TOP3A: variants seen among roughly 807,000 people sequenced by gnomAD.
The protein encoded by TOP3A is DNA topoisomerase III alpha.
In TOP3A, 64 loss-of-function variants were observed where a neutral mutation model predicts 111.3. That is an observed-to-expected ratio of 0.57 (90% CI 0.47 to 0.71). The LOEUF (loss-of-function observed/expected upper bound fraction) is 0.71, where lower values mean the gene tolerates loss of function less well. TOP3A is among the 30% of genes least tolerant of loss of function. The probability of loss-of-function intolerance (pLI) is 0.00; values close to 1 mark genes in which losing one functional copy is unlikely to be tolerated. For missense variants in TOP3A, 1,104 were observed against 1,285.0 expected (o/e 0.86, Z 2.15); for synonymous variants, 484 against 485.1 (o/e 1.00, Z 0.03).
chr17:18,280,791 C>A, intron 16 of TOP3A, 133 bp from the exon 17 acceptor site: 3 of 972,948 alleles, frequency 3.1e-6, no homozygotes, highest in South Asian at 3.3e-5. Flanking sequence ...TAACTGGATA[C>A]ACAAGCACTC....
intron 17 of TOP3A, 136 bp from the exon 18 acceptor site, chr17:18,278,493 G>A: frequency 1.4e-6 from 1 of 707,276 alleles, no homozygotes; most frequent in Non-Finnish European, 2.2e-6. Flanking sequence ...AGTCCCCTGT[G>A]AGGCCCTCTA....
At chr17:18,312,013 A>T (rs1981939871) in intron 1 of TOP3A, 1 of 152,272 alleles carries the variant, frequency 6.6e-6, no homozygotes, top group African/African-American at 2.4e-5. Context: ...AGCCCTAATA[A>T]TTTTGGCATT....
chr17:18,292,008 G>C (rs1421943112), intron 11 of TOP3A, among the ~76,000 whole-genome samples: 1 of 152,074 alleles, frequency 6.6e-6, no homozygotes, highest in East Asian at 1.9e-4. Flanking sequence ...CACCGCGTCC[G>C]GCCATATTTT....
chr17:18,288,904 A>C (rs1273387173), intron 13 of TOP3A, among the ~76,000 whole-genome samples: 2 of 152,188 alleles, frequency 1.3e-5, no homozygotes, highest in African/African-American at 4.8e-5. Flanking sequence ...TGCTTAGTCC[A>C]AGCTCTCACT....
At chr17:18,294,632 A>G in intron 10 of TOP3A, 71 bp downstream of exon 10, 1 of 1,257,170 alleles carries the variant, frequency 8.0e-7, no homozygotes, top group African/African-American at 1.5e-5. Context: ...CCAACCCATA[A>G]ACTCTATTTC....
Position 18,290,610 on chromosome 17 carries a change from G to A in TOP3A, c.1544C>T (p.Pro515Leu), listed in dbSNP as rs747211857. The change falls in exon 13 of 19, where the codon CCC (proline) becomes CTC (leucine). Residue 515 changes from proline (P) to leucine (L), a missense_variant. Physicochemically the swap from Pro to Leu is moderately conservative, Grantham distance 98. Coordinates refer to ENST00000321105, the MANE Select transcript of TOP3A (RefSeq NM_004618.5). ...GAGGTCGGCCTCGGTGAGCAGCTTG[G>A]GTGGGCTGGTCTCCCCGTCCACCAT... ...VEMVDGETSPPKLLTEADLIA... is the reference protein window; with the variant it reads ...VEMVDGETSPLKLLTEADLIA... 6 of 1,611,058 alleles carry A rather than the reference G, an allele frequency of 3.7e-6. No individual in the cohort carries two copies. Among genetic ancestry groups the A allele is most frequent in the Non-Finnish European group, 4.2e-6 (5 of 1,178,088 alleles).
chr17:18,303,494 G>A (rs895352967), intron 5 of TOP3A, among the ~76,000 whole-genome samples: 5 of 152,134 alleles, frequency 3.3e-5, no homozygotes, highest in Admixed American at 1.3e-4. Context: ...GTGTACAACC[G>A]ACCATATATT....
intron 7 of TOP3A, 23 bp downstream of exon 7, chr17:18,302,241 A>G (rs1490762325): frequency 6.3e-7 from 1 of 1,589,768 alleles, no homozygotes; most frequent in South Asian, 1.1e-5. Flanking sequence ...GTCCCAGGCC[A>G]TAACACCCAC....
rs1979253467 is a variant in TOP3A at position 18,275,037 on chromosome 17, T to C, written c.2828-57A>G. On this transcript the variant is annotated intron_variant, in intron 18 of 18. Transcript: ENST00000321105. ...AGAACTGACATGCAGAAGTGGCAAGTCCTGAACACGGTGGCTCATGCCTGT... is the reference window on the plus strand; with the variant it reads ...AGAACTGACATGCAGAAGTGGCAAGCCCTGAACACGGTGGCTCATGCCTGT... The C allele has an allele frequency of 1.9e-6, 3 of 1,571,638 alleles. No homozygotes were observed. In the African/African-American group the frequency reaches 4.1e-5, roughly 21 times the overall value.
At chr17:18,307,361 G>C (rs1206007119) in intron 3 of TOP3A, 2 of 158,818 alleles carry the variant, frequency 1.3e-5, no homozygotes, top group African/African-American at 4.8e-5. Context: ...CACGTTGGGA[G>C]GCCAAGGTGG....
chr17:18,278,410 C>T (rs1979546508), intron 17 of TOP3A, 53 bp from the exon 18 acceptor site: 1 of 1,472,540 alleles, frequency 6.8e-7, no homozygotes, highest in Non-Finnish European at 9.0e-7. Flanking sequence ...GCCAGCTTCT[C>T]CTTAGTCCAG....
At position 18,302,306 on chromosome 17, in the gene TOP3A, C is replaced by T; in HGVS notation, c.772G>A (p.Ala258Thr). 1.2e-6 allele frequency: 2 copies of T among 1,612,946 alleles called. No homozygotes were observed. Among genetic ancestry groups the T allele is most frequent in the Non-Finnish European group, 1.7e-6 (2 of 1,179,954 alleles). ...TLGFVVERFKAIQAFVPEIFH... is the reference protein window; with the variant it reads ...TLGFVVERFKTIQAFVPEIFH... ...ATTTCTGGTACAAAAGCCTGAATGG[C>T]TTTGAACCGCTCCACCACAAAGCCC... The change falls in exon 7 of 19, where the codon GCC becomes ACC. Residue 258 changes from alanine (A) to threonine (T), a missense_variant. Physicochemically the swap from Ala to Thr is moderately conservative, Grantham distance 58. Transcript: ENST00000321105.
Position 18,278,077 on chromosome 17 carries a change from T to C in TOP3A, c.2425A>G (p.Asn809Asp). The change falls in exon 18 of 19, where the codon AAT becomes GAT. Residue 809 changes from asparagine to aspartate, a missense_variant. Coordinates refer to ENST00000321105, the MANE Select transcript of TOP3A (RefSeq NM_004618.5). Reference protein sequence around the residue: ...LPPPTAAGESNSVTCNCGQEA... With the variant: ...LPPPTAAGESDSVTCNCGQEA... Reference sequence around the variant, plus strand: ...TGGCCACAGTTGCAGGTCACAGAATTGCTTTCACCAGCAGCCGTGGGTGGT... The same window carrying C: ...TGGCCACAGTTGCAGGTCACAGAATCGCTTTCACCAGCAGCCGTGGGTGGT... The C allele has an allele frequency of 6.2e-7, 1 of 1,614,212 alleles. No homozygotes were observed. Among genetic ancestry groups the C allele is most frequent in the Non-Finnish European group, 8.5e-7 (1 of 1,180,042 alleles).
chr17:18,314,113 G>A (rs897989470), intron 1 of TOP3A, among the ~76,000 whole-genome samples: 2 of 152,072 alleles, frequency 1.3e-5, no homozygotes, highest in African/African-American at 4.8e-5. Context: ...TGCACTGTGA[G>A]GCTGGAAAGT....
At chr17:18,281,903 C>T (rs1477798348) in intron 16 of TOP3A, among the ~76,000 whole-genome samples, 1 of 152,172 alleles carries the variant, frequency 6.6e-6, no homozygotes, top group Non-Finnish European at 1.5e-5. Context: ...GCACCTCAGC[C>T]CTCTAAGCTG....
intron 1 of TOP3A, among the ~76,000 whole-genome samples, chr17:18,310,527 G>A (rs1981848473): frequency 6.6e-6 from 1 of 152,130 alleles, no homozygotes. Context: ...ACACAAAAGA[G>A]CATGTAAGAT....
At chr17:18,291,761 C>T (rs1223426253) in intron 11 of TOP3A, among the ~76,000 whole-genome samples, 2 of 152,000 alleles carry the variant, frequency 1.3e-5, no homozygotes, top group Non-Finnish European at 2.9e-5. Context: ...TGTCGCCAGG[C>T]TGGAGTGCAG....
chr17:18,314,191 C>G (rs922462569), intron 1 of TOP3A, among the ~76,000 whole-genome samples: 3 of 152,106 alleles, frequency 2.0e-5, no homozygotes, highest in Non-Finnish European at 2.9e-5. Context: ...GGGGAACGAT[C>G]GGGCAGGGCT....
chr17:18,284,304 G>A (rs1979956649), intron 15 of TOP3A, among the ~76,000 whole-genome samples: 1 of 151,888 alleles, frequency 6.6e-6, no homozygotes, highest in Non-Finnish European at 1.5e-5. Context: ...GAGCCACCGT[G>A]CCTGACCCTT....
Sources: gnomAD v4.1 joint callset for allele counts (sites outside exome capture counted in the v4.1 genomes callset) on GRCh38, gnomAD v4.1.1 for gene constraint, MANE v1.5 for transcripts, NCBI Gene and HGNC (gene_info 2026-07-23, HGNC 2026-07-21) for gene names.